Variants in FAT3 observed in about 807,000 individuals in gnomAD.
FAT3 encodes FAT atypical cadherin 3.
In FAT3, 95 loss-of-function variants were observed where a neutral mutation model predicts 310.2. The observed-to-expected ratio is 0.31, with a 90% CI of 0.26 to 0.36. The LOEUF (loss-of-function observed/expected upper bound fraction) is 0.36. Among genes scored for constraint, FAT3 ranks in the 10% least tolerant of loss-of-function variants. The probability of loss-of-function intolerance (pLI) is 1.00; values close to 1 mark genes in which losing one functional copy is unlikely to be tolerated. For synonymous variants in FAT3, 2,314 were observed against 2,192.9 expected (o/e 1.06, Z -1.54); for missense variants, 5,408 against 5,715.6 (o/e 0.95, Z 1.74).
At chr11:92,256,577 T>C (rs905288394) in intron 1 of FAT3, among the ~76,000 whole-genome samples, 1 of 152,124 alleles carries the variant, frequency 6.6e-6, no homozygotes, top group Non-Finnish European at 1.5e-5. Context: ...CATGTATCAT[T>C]TGGCATGTGT....
Position 92,809,828 on chromosome 11 carries a change from C to A in FAT3, c.9248-15C>A, listed in dbSNP as rs1446570756. On this transcript the variant is annotated splice_polypyrimidine_tract_variant and intron_variant, in intron 12 of 27. Coordinates refer to ENST00000525166, the MANE Select transcript of FAT3 (RefSeq NM_001367949.2). The stretch of plus-strand genomic sequence containing the variant: ...TAAAAACTCAGACCAATCATGCTGC[C>A]ATTTATTTTCACAGGCGAGTTAAAA... 1.2e-6 allele frequency: 2 copies of A among 1,600,392 alleles called. No individual in the cohort carries two copies. The highest frequency in any genetic ancestry group is 1.1e-5 in the South Asian group (1 of 90,428).
At chr11:92,532,054 T>C (rs1954096149) in intron 3 of FAT3, among the ~76,000 whole-genome samples, 1 of 152,102 alleles carries the variant, frequency 6.6e-6, no homozygotes, top group Non-Finnish European at 1.5e-5. Flanking sequence ...CCCCATTCCA[T>C]ATGGCCCCTA....
At chr11:92,878,573 T>A (rs1313820470) in intron 22 of FAT3, among the ~76,000 whole-genome samples, 1 of 131,836 alleles carries the variant, frequency 7.6e-6, no homozygotes, top group African/African-American at 2.8e-5. Flanking sequence ...GTATTATTAA[T>A]ATCCTCAGAC....
chr11:92,531,253 C>T (rs1479747746), intron 3 of FAT3, among the ~76,000 whole-genome samples: 1 of 152,146 alleles, frequency 6.6e-6, no homozygotes, highest in South Asian at 2.1e-4. Context: ...GCAGATTTAT[C>T]ACGGGGGTTA....
intron 2 of FAT3, among the ~76,000 whole-genome samples, chr11:92,442,124 T>TG: frequency 8.8e-6 from 1 of 113,244 alleles, no homozygotes; most frequent in Non-Finnish European, 1.7e-5. Context: ...TTTTTTTTTT[T>TG]TTTTTTTGAG....
chr11:92,671,579 A>C (rs1252671320), intron 3 of FAT3, among the ~76,000 whole-genome samples: 1 of 151,954 alleles, frequency 6.6e-6, no homozygotes, highest in African/African-American at 2.4e-5. Flanking sequence ...CTGAAATCTA[A>C]GTTTGGTCCT....
intron 1 of FAT3, among the ~76,000 whole-genome samples, chr11:92,311,186 G>GAAAT (rs1368663251): frequency 3.4e-4 from 52 of 151,854 alleles, no homozygotes; most frequent in Non-Finnish European, 8.8e-5. Context: ...ATGTACCTTT[G>GAAAT]GTTAAGAATC....
chr11:92,595,382 G>C (rs1050972623), intron 3 of FAT3, among the ~76,000 whole-genome samples: 1 of 152,182 alleles, frequency 6.6e-6, no homozygotes, highest in East Asian at 1.9e-4. Context: ...ATTGAGCACA[G>C]GGATGTGGGC....
chr11:92,361,956 A>G (rs914098672), intron 2 of FAT3, among the ~76,000 whole-genome samples: 1 of 152,258 alleles, frequency 6.6e-6, no homozygotes, highest in African/African-American at 2.4e-5. Flanking sequence ...GTTAACATCT[A>G]CTGAGCACCA....
intron 2 of FAT3, among the ~76,000 whole-genome samples, chr11:92,473,133 C>T (rs1051444981): frequency 2.6e-5 from 4 of 152,136 alleles, no homozygotes. Context: ...CACATGGCAG[C>T]CTTCACTTGT....
chr11:92,613,006 G>A (rs1940637832), intron 3 of FAT3, among the ~76,000 whole-genome samples: 1 of 152,164 alleles, frequency 6.6e-6, no homozygotes, highest in African/African-American at 2.4e-5. Flanking sequence ...GGTAGGACGG[G>A]ATCGTAGAGT....
intron 1 of FAT3, among the ~76,000 whole-genome samples, chr11:92,253,253 C>T (rs780330711): frequency 2.6e-5 from 4 of 151,994 alleles, no homozygotes; most frequent in Non-Finnish European, 5.9e-5. Context: ...CTGGTTCTCC[C>T]TTTTCCCTGT....
At chr11:92,754,626 T>TGAAAAAAAAAAAAAAAA (rs1945933931) in intron 4 of FAT3, among the ~76,000 whole-genome samples, 1 of 16,700 alleles carries the variant, frequency 6.0e-5, no homozygotes, top group Non-Finnish European at 9.4e-5. Context: ...AGACTCTGCC[T>TGAAAAAAAAAAAAAAAA]CAAAAAAAAA....
At position 92,340,756 on chromosome 11, in the gene FAT3, G is replaced by A. The variant is rs146969090; in HGVS notation, c.-17-11340G>A. 6.5e-3 allele frequency among the ~76,000 whole-genome samples: 988 copies of A among 152,266 alleles called. 16 individuals are homozygous for A. The highest frequency in any genetic ancestry group is 0.022 in the African/African-American group (915 of 41,542). ...ATGTGGTGATTGAAGGGGTGACCTT[G>A]GTCTCATTAGCACTGAGTACTAACT... On this transcript the variant is annotated intron_variant, in intron 1 of 27. Coordinates refer to ENST00000525166, the MANE Select transcript of FAT3 (RefSeq NM_001367949.2).
intron 3 of FAT3, among the ~76,000 whole-genome samples, chr11:92,676,380 C>T (rs1791573): frequency 0.5 from 75,464 of 151,936 alleles, 19,014 homozygotes; most frequent in African/African-American, 0.55. Context: ...ATAGAGTCTG[C>T]TCAGTGTCAC....
intron 3 of FAT3, among the ~76,000 whole-genome samples, chr11:92,526,760 T>C (rs1317290314): frequency 6.6e-6 from 1 of 152,232 alleles, no homozygotes; most frequent in African/African-American, 2.4e-5. Context: ...CTTAAGCATG[T>C]TCATAATTTC....
intron 3 of FAT3, among the ~76,000 whole-genome samples, chr11:92,549,247 G>A (rs480939): frequency 0.56 from 84,991 of 151,818 alleles, 24,267 homozygotes; most frequent in East Asian, 0.78. Context: ...CTATCAGGGC[G>A]TTTTCATTTA....
chr11:92,882,587 C>CA (rs944405234), intron 23 of FAT3, 151 bp from the exon 24 acceptor site: 1 of 500,568 alleles, frequency 2.0e-6, no homozygotes, highest in African/African-American at 2.3e-5. Context: ...ACTCCCCCTC[C>CA]CCCCCCCCAC....
intron 3 of FAT3, among the ~76,000 whole-genome samples, chr11:92,629,877 T>G (rs1458130777): frequency 6.6e-6 from 1 of 152,202 alleles, no homozygotes; most frequent in Non-Finnish European, 1.5e-5. Context: ...TACATCAGAA[T>G]TCACCAGAGG....
Sources: gnomAD v4.1 joint callset for allele counts (sites outside exome capture counted in the v4.1 genomes callset) on GRCh38, gnomAD v4.1.1 for gene constraint, MANE v1.5 for transcripts, NCBI Gene and HGNC (gene_info 2026-07-23, HGNC 2026-07-21) for gene names.